CPSF2: variants seen among roughly 807,000 people sequenced by gnomAD.
The protein encoded by CPSF2 is cleavage and polyadenylation specificity factor subunit 2.
A neutral mutation model predicts 84.2 loss-of-function variants in CPSF2; 51 were observed. The observed-to-expected ratio is 0.61, with a 90% confidence interval of 0.48 to 0.77. CPSF2 has a LOEUF of 0.77. Ranked by LOEUF, CPSF2 falls within the 30% of genes least tolerant of loss-of-function variation. The pLI, the probability that CPSF2 is intolerant of heterozygous loss-of-function variation, is 0.00. For synonymous variants in CPSF2, 286 were observed against 311.9 expected, an observed-to-expected ratio of 0.92 and a Z score of 0.87; for missense variants, 641 against 929.4, an observed-to-expected ratio of 0.69 and a Z score of 4.03.
chr14:92,131,442 G>A (rs1214537905), intron 3 of CPSF2, among the ~76,000 whole-genome samples: 1 of 152,172 alleles, frequency 6.6e-6, no homozygotes, highest in South Asian at 2.1e-4. Context: ...CCATGTGAAA[G>A]TTCTGTGGTC....
intron 15 of CPSF2, 25 bp from the exon 16 acceptor site, chr14:92,161,627 A>G: frequency 2.0e-6 from 3 of 1,521,576 alleles, no homozygotes; most frequent in Non-Finnish European, 2.7e-6. Flanking sequence ...AATGTACTAA[A>G]GAATTTTTTT....
Position 92,134,362 on chromosome 14 carries a change from A to G in CPSF2, c.415+7A>G. 6.4e-7 allele frequency: 1 copy of G among 1,564,660 alleles called. No individual in the cohort carries two copies. Among genetic ancestry groups the G allele is most frequent in the African/African-American group, 1.4e-5 (1 of 74,006 alleles). ...CAGATTGTGAATTTGAAAGGTAAAA[A>G]GAATTTCCAGTAGTAAGTATTTAGA... On this transcript the variant is annotated splice_region_variant and intron_variant, in intron 5 of 15. Coordinates refer to ENST00000298875, the MANE Select transcript of CPSF2 (RefSeq NM_017437.3).
At chr14:92,140,902 A>G (rs1231941727) in intron 7 of CPSF2, among the ~76,000 whole-genome samples, 1 of 152,154 alleles carries the variant, frequency 6.6e-6, no homozygotes, top group Non-Finnish European at 1.5e-5. Flanking sequence ...TGACAGAGCG[A>G]GACCCTGTCT....
chr14:92,143,238 G>C lies in CPSF2; in HGVS notation c.1084G>C (p.Gly362Arg). 1 of 1,613,014 alleles carries C rather than the reference G, an allele frequency of 6.2e-7. No homozygotes were observed. Among genetic ancestry groups the C allele is most frequent in the Non-Finnish European group, 8.5e-7 (1 of 1,179,302 alleles). ...SIILTYRTTP[G>R]TLARFLIDNP... Reference sequence around the variant, plus strand: ...CATTCTAACCTACAGAACTACTCCTGGGACTTTAGCACGTTTCCTAATTGA... The same window carrying C: ...CATTCTAACCTACAGAACTACTCCTCGGACTTTAGCACGTTTCCTAATTGA... Residue 362 changes from glycine to arginine, a missense_variant, in exon 9 of 16, where the codon GGG becomes CGG. By Grantham distance (125) the Gly-to-Arg change is moderately radical (BLOSUM62 -2). Around this residue, in one of 2 missense-constraint regions of CPSF2, gnomAD observed 430 missense variants for 553.6 expected, o/e 0.78. Transcript: ENST00000298875.
intron 9 of CPSF2, among the ~76,000 whole-genome samples, chr14:92,143,562 G>T (rs1004633726): frequency 6.6e-6 from 1 of 152,196 alleles, no homozygotes; most frequent in Admixed American, 6.5e-5. Flanking sequence ...AACTACTGTG[G>T]AAGAGAGCCT....
At chr14:92,125,756 G>A (rs1197989536) in intron 1 of CPSF2, among the ~76,000 whole-genome samples, 2 of 152,004 alleles carry the variant, frequency 1.3e-5, no homozygotes, top group African/African-American at 4.8e-5. Flanking sequence ...GTAGAGATCT[G>A]AGATGTCTGG....
intron 7 of CPSF2, among the ~76,000 whole-genome samples, chr14:92,139,786 G>A (rs551215243): frequency 1.8e-4 from 28 of 151,764 alleles, no homozygotes; most frequent in African/African-American, 6.8e-4. Context: ...TGATCCTCCT[G>A]CCTCAGCCTC....
At chr14:92,161,288 C>T (rs375248079) in intron 15 of CPSF2, 42 bp downstream of exon 15, 20 of 1,545,398 alleles carry the variant, frequency 1.3e-5, no homozygotes, top group East Asian at 7.1e-5. Flanking sequence ...ACACATACGT[C>T]TGATGTTTTG....
intron 3 of CPSF2, among the ~76,000 whole-genome samples, chr14:92,131,928 T>C (rs1244074844): frequency 6.6e-6 from 1 of 152,120 alleles, no homozygotes; most frequent in Non-Finnish European, 1.5e-5. Context: ...TTTAAAAAAC[T>C]TTAGAACTTG....
rs2069521068 is a variant in CPSF2 at position 92,171,947 on chromosome 14, G to A, written c.*10203G>A. On this transcript the variant is annotated 3_prime_UTR_variant, in exon 16 of 16. Transcript: ENST00000298875. Reference sequence around the variant, plus strand: ...TGGCTGGCTCCTTTGCTCCATCTCTGCCCCTCACCCCCTACCGTACATCAC... The same window carrying A: ...TGGCTGGCTCCTTTGCTCCATCTCTACCCCTCACCCCCTACCGTACATCAC... 1 of 152,344 alleles carries A rather than the reference G, an allele frequency of 6.6e-6. No individual in the cohort carries two copies. Among genetic ancestry groups the A allele is most frequent in the South Asian group, 2.1e-4 (1 of 4,822 alleles). 9.4% of individuals were successfully genotyped at this position (152,344 alleles called of 1,614,324 possible).
At chr14:92,131,214 A>T in intron 3 of CPSF2, 81 bp downstream of exon 3, 1 of 1,149,266 alleles carries the variant, frequency 8.7e-7, no homozygotes, top group South Asian at 1.6e-5. Flanking sequence ...GATGTGATAA[A>T]TACTGCCTTT....
At chr14:92,129,145 T>C (rs887441266) in intron 2 of CPSF2, among the ~76,000 whole-genome samples, 1 of 151,844 alleles carries the variant, frequency 6.6e-6, no homozygotes, top group Non-Finnish European at 1.5e-5. Flanking sequence ...GTACAGGGGG[T>C]ACAAGAAGTT....
At chr14:92,133,729 G>A (rs971948313) in intron 3 of CPSF2, among the ~76,000 whole-genome samples, 1 of 151,570 alleles carries the variant, frequency 6.6e-6, no homozygotes, top group African/African-American at 2.4e-5. Flanking sequence ...GCCTCCCTAA[G>A]TGCTGGGATT....
intron 2 of CPSF2, among the ~76,000 whole-genome samples, chr14:92,129,779 A>G (rs1432125243): frequency 6.6e-6 from 1 of 152,114 alleles, no homozygotes. Context: ...GGTACACTCT[A>G]GGGTCTCACT....
intron 14 of CPSF2, among the ~76,000 whole-genome samples, chr14:92,160,405 A>G (rs552667754): frequency 6.6e-6 from 1 of 152,336 alleles, no homozygotes; most frequent in African/African-American, 2.4e-5. Flanking sequence ...GCAAGATTCT[A>G]GGTAATTAAA....
At chr14:92,136,352 C>T (rs1318952366) in intron 6 of CPSF2, among the ~76,000 whole-genome samples, 1 of 152,142 alleles carries the variant, frequency 6.6e-6, no homozygotes, top group Non-Finnish European at 1.5e-5. Context: ...GAGTGAGGGT[C>T]GTGATCAACT....
chr14:92,138,127 G>A (rs1240978529), intron 6 of CPSF2, 105 bp from the exon 7 acceptor site: 2 of 487,620 alleles, frequency 4.1e-6, no homozygotes, highest in African/African-American at 4.1e-5. Context: ...ATAGTTAGAG[G>A]AGGGAACACC....
At chr14:92,127,392 A>T (rs928126586) in intron 2 of CPSF2, among the ~76,000 whole-genome samples, 1 of 152,186 alleles carries the variant, frequency 6.6e-6, no homozygotes, top group Non-Finnish European at 1.5e-5. Context: ...GAGAAATATA[A>T]TGAGTTGTTA....
At chr14:92,135,614 C>T in intron 6 of CPSF2, 118 bp downstream of exon 6, 1 of 956,532 alleles carries the variant, frequency 1.0e-6, no homozygotes, top group East Asian at 2.5e-5. Flanking sequence ...CAACTTAAAA[C>T]CGTCAAATAG....
Sources: gnomAD v4.1 joint callset for allele counts (sites outside exome capture counted in the v4.1 genomes callset) on GRCh38, gnomAD v4.1.1 for gene constraint, gnomAD v4.1.1 regional missense constraint, MANE v1.5 for transcripts, NCBI Gene and HGNC (gene_info 2026-07-23, HGNC 2026-07-21) for gene names.